INPP5E: variants seen among roughly 807,000 people sequenced by gnomAD.
INPP5E encodes the protein inositol polyphosphate-5-phosphatase E, also known as phosphatidylinositol polyphosphate 5-phosphatase type IV.
Under a neutral mutation model 50.5 loss-of-function variants are expected in INPP5E, and 34 were observed. The observed-to-expected ratio is 0.67, with a 90% CI of 0.51 to 0.90. The LOEUF (loss-of-function observed/expected upper bound fraction) is 0.90. Ranked by LOEUF, INPP5E falls within the 40% of genes least tolerant of loss-of-function variation. INPP5E has a pLI of 0.00. For synonymous variants in INPP5E, 447 were observed against 406.0 expected (o/e 1.10, Z -1.21); for missense variants, 942 against 905.5 (o/e 1.04, Z -0.52).
chr9:136,434,413 C>G (rs1384934408), intron 2 of INPP5E, among the ~76,000 whole-genome samples: 1 of 152,208 alleles, frequency 6.6e-6, no homozygotes, highest in Non-Finnish European at 1.5e-5. Context: ...CCGTGCTGCC[C>G]ACCCTGTCCC....
intron 2 of INPP5E, 150 bp downstream of exon 2, chr9:136,434,590 C>G (rs930198965): frequency 9.1e-7 from 1 of 1,092,966 alleles, no homozygotes; most frequent in African/African-American, 1.6e-5. Context: ...CCACTCTCAC[C>G]CTCCTGTACT....
chr9:136,433,060 G>C lies in INPP5E; in HGVS notation c.1175C>G (p.Thr392Arg), dbSNP rs771142015. ...CTGAGACACGATGCGTGTGGTCACC[G>C]TGGAGCACTCCACCTCTGTGGGAGG... ...IWFCSEVECS[T>R]VTTRIVSQIK... The change falls in exon 5 of 10, where the codon ACG becomes AGG. Residue 392 changes from threonine to arginine, a missense_variant. Physicochemically the swap from Thr to Arg is moderately conservative, Grantham distance 71. Coordinates refer to ENST00000371712, the MANE Select transcript of INPP5E (RefSeq NM_019892.6). 182 of 1,612,396 alleles carry C rather than the reference G, an allele frequency of 1.1e-4. No homozygotes were observed. The highest frequency in any genetic ancestry group is 1.5e-4 in the Non-Finnish European group (177 of 1,179,882).
At chr9:136,432,611 G>A (rs187844916) in intron 5 of INPP5E, 25 bp from the exon 6 acceptor site, 1 of 1,428,852 alleles carries the variant, frequency 7.0e-7, no homozygotes, top group Non-Finnish European at 9.6e-7. Flanking sequence ...ATGGGGTAGG[G>A]ACCACAGGGT....
At chr9:136,433,842 C>T (rs1036238531) in intron 3 of INPP5E, among the ~76,000 whole-genome samples, 195 bp downstream of exon 3, 30 of 152,210 alleles carry the variant, frequency 2.0e-4, no homozygotes, top group Middle Eastern at 3.4e-3. Context: ...GCTTCAGAGA[C>T]GGCAGCCCCC....
At position 136,439,627 on chromosome 9, in the gene INPP5E, C is replaced by T; in HGVS notation, c.-208G>A. 1 of 366,784 alleles carries T rather than the reference C, an allele frequency of 2.7e-6. No individual in the cohort carries two copies. Among genetic ancestry groups the T allele is most frequent in the Non-Finnish European group, 4.8e-6 (1 of 207,546 alleles). The allele number at this position is 366,784 out of a possible 1,614,324, so 22.7% of individuals were successfully genotyped here. A position where few individuals can be genotyped will look rare whatever the true frequency, so the allele number is the denominator to read the frequency against. ...CCAGCCCCTCGGGGCTCCCAGACGC[C>T]GTTCCCAGGGCGGTCCGCAGGCAAG... On this transcript the variant is annotated 5_prime_UTR_variant, in exon 1 of 10. Coordinates refer to ENST00000371712, the MANE Select transcript of INPP5E (RefSeq NM_019892.6).
intron 3 of INPP5E, 75 bp from the exon 4 acceptor site, chr9:136,433,354 G>A: frequency 6.7e-7 from 1 of 1,502,078 alleles, no homozygotes; most frequent in East Asian, 2.5e-5. Flanking sequence ...GCTGCCCAGA[G>A]CCCCTCGAGG....
Position 136,439,779 on chromosome 9 carries a change from G to C in INPP5E, c.-360C>G, listed in dbSNP as rs1441546240. The stretch of plus-strand genomic sequence containing the variant: ...GCTCGCAGACTCCGAAGTCGACCCG[G>C]TACTCGCGGAGGCCCGGCCGCCCAG... On this transcript the variant is annotated 5_prime_UTR_variant, in exon 1 of 10. Coordinates refer to ENST00000371712, the MANE Select transcript of INPP5E (RefSeq NM_019892.6). The C allele has an allele frequency of 5.5e-6, 1 of 181,176 alleles. No individual in the cohort carries two copies. Among genetic ancestry groups the C allele is most frequent in the Non-Finnish European group, 1.1e-5 (1 of 87,902 alleles). 11.2% of individuals were successfully genotyped at this position (181,176 alleles called of 1,614,324 possible).
At chr9:136,430,738 CGGGCAGA>C (rs1055930088) in intron 8 of INPP5E, among the ~76,000 whole-genome samples, 6 of 152,274 alleles carry the variant, frequency 3.9e-5, no homozygotes, top group African/African-American at 1.2e-4. Context: ...GAGGGTGCAA[CGGGCAGA>C]GGGCAGAGGC....
intron 1 of INPP5E, chr9:136,435,933 C>T (rs1194654247): frequency 6.6e-6 from 1 of 152,238 alleles, no homozygotes; most frequent in Non-Finnish European, 1.5e-5. Flanking sequence ...CTCAGCTCGC[C>T]GACTATACAG....
Position 136,439,377 on chromosome 9 carries a change from G to A in INPP5E, c.43C>T (p.Pro15Ser). 1 of 1,460,298 alleles carries A rather than the reference G, an allele frequency of 6.8e-7. No homozygotes were observed. The highest frequency in any genetic ancestry group is 9.0e-7 in the Non-Finnish European group (1 of 1,112,584). The allele number at this position is 1,460,298 out of a possible 1,614,324, so 90.5% of individuals were successfully genotyped here. The change falls in exon 1 of 10, where the codon CCG (proline) becomes TCG (serine). Residue 15 changes from proline (P) to serine (S), a missense_variant. Coordinates refer to ENST00000371712, the MANE Select transcript of INPP5E (RefSeq NM_019892.6). ...AGCGTCCTCCCTTCCGGCGGCTGCG[G>A]GGCCGGCTCGGAGGGCCGCAGATTC... Reference protein sequence around the residue: ...AENLRPSEPAPQPPEGRTLQG... With the variant: ...AENLRPSEPASQPPEGRTLQG...
At position 136,439,232 on chromosome 9, in the gene INPP5E, G is replaced by A. The variant is rs1415787879; in HGVS notation, c.188C>T (p.Pro63Leu). 6.5e-7 allele frequency: 1 copy of A among 1,527,902 alleles called. No individual in the cohort carries two copies. The highest frequency in any genetic ancestry group is 8.7e-7 in the Non-Finnish European group (1 of 1,142,896). The allele number at this position is 1,527,902 out of a possible 1,614,324, so 94.6% of individuals were successfully genotyped here. ...GGCGATGGGTGCTGCTCGGGCTGGCGGGTCCTCGCCGCTGGGCGTGGCCGG... is the reference window on the plus strand; with the variant it reads ...GGCGATGGGTGCTGCTCGGGCTGGCAGGTCCTCGCCGCTGGGCGTGGCCGG... ...STPATPSGED[P>L]PARAAPIAPR... The change falls in exon 1 of 10, where the codon CCG becomes CTG. Residue 63 changes from proline to leucine, a missense_variant. Physicochemically the swap from Pro to Leu is moderately conservative, Grantham distance 98. Transcript: ENST00000371712.
intron 8 of INPP5E, among the ~76,000 whole-genome samples, 182 bp from the exon 9 acceptor site, chr9:136,430,595 CGCT>C (rs1413229826): frequency 6.6e-6 from 1 of 152,220 alleles, no homozygotes; most frequent in Non-Finnish European, 1.5e-5. Flanking sequence ...TGTCCCTCGC[CGCT>C]GGAGAGACCC....
In INPP5E at chr9:136,439,087, G is replaced by A; in HGVS notation, c.333C>T (p.Pro111=). Residue 111 remains proline, a synonymous_variant, in exon 1 of 10, where the codon CCC becomes CCT. Transcript: ENST00000371712. ...CCTCGCTCTGCACTGAGCCCCTGGA[G>A]GGACTGGTCCCATTCCGGGCTTCCA... ...EDLEARNGTS[P]SRGSVQSEGP... 6.3e-7 allele frequency: 1 copy of A among 1,576,198 alleles called. No individual in the cohort carries two copies. The highest frequency in any genetic ancestry group is 8.6e-7 in the Non-Finnish European group (1 of 1,162,166).
Position 136,431,826 on chromosome 9 carries a change from T to G in INPP5E, c.1547A>C (p.Lys516Thr), listed in dbSNP as rs13294000. 1.1e-5 allele frequency: 18 copies of G among 1,567,624 alleles called. No homozygotes were observed. Among genetic ancestry groups the G allele is most frequent in the Non-Finnish European group, 1.5e-5 (17 of 1,157,624 alleles). Residue 516 changes from lysine to threonine, a missense_variant and splice_region_variant, in exon 7 of 10, where the codon AAA (lysine) becomes ACA (threonine). Physicochemically the swap from Lys to Thr is moderately conservative, Grantham distance 78. Coordinates refer to ENST00000371712, the MANE Select transcript of INPP5E (RefSeq NM_019892.6). Reference protein sequence around the residue: ...QHDQLIREMRKGSIFKGFQEP... With the variant: ...QHDQLIREMRTGSIFKGFQEP... ...TGCCCGCCCCCCCAGGCCCTCACCT[T>G]TCCGCATCTCCCGGATGAGCTGGTC...
chr9:136,436,952 G>C (rs1230930380), intron 1 of INPP5E: 2 of 152,254 alleles, frequency 1.3e-5, no homozygotes, highest in African/African-American at 4.8e-5. Context: ...GTCCAAATTT[G>C]AGACACGACT....
rs35498378 is a variant in INPP5E, at chr9:136,434,090, G to T, written c.981C>A (p.Ala327=). The T allele has an allele frequency of 2.5e-6, 4 of 1,610,766 alleles. No individual in the cohort carries two copies. Among genetic ancestry groups the T allele is most frequent in the African/African-American group, 1.3e-5 (1 of 74,900 alleles). The change falls in exon 3 of 10, where the codon GCC becomes GCA. Residue 327 remains alanine (A), a synonymous_variant. Coordinates refer to ENST00000371712, the MANE Select transcript of INPP5E (RefSeq NM_019892.6). The part of the protein sequence containing the change: ...SLDEFLLPAE[A]DYAQDLYVIG... ...TGACATACAGGTCCTGGGCATAGTCGGCCTCGGCTGGGAGCAGGAACTCGT... is the reference window on the plus strand; with the variant it reads ...TGACATACAGGTCCTGGGCATAGTCTGCCTCGGCTGGGAGCAGGAACTCGT...
chr9:136,436,751 T>C (rs1195370327), intron 1 of INPP5E: 3 of 152,302 alleles, frequency 2.0e-5, no homozygotes, highest in East Asian at 1.9e-4. Flanking sequence ...ATGTCCCTAA[T>C]AGACTCACTG....
intron 1 of INPP5E, chr9:136,435,948 G>GC (rs1464592069): frequency 6.6e-5 from 10 of 152,366 alleles, no homozygotes; most frequent in African/African-American, 2.2e-4. Flanking sequence ...ATACAGAAAC[G>GC]CCGTGGGCTA....
chr9:136,434,855 A>ACG lies in INPP5E; in HGVS notation c.820_821insCG (p.Leu274ProfsTer121). On this transcript the variant is annotated frameshift_variant, in exon 2 of 10. Transcript: ENST00000371712. LOFTEE classifies it high-confidence loss of function. Reference sequence around the variant, plus strand: ...CCCGCTGGCCAGGAGGCTGCCCTCCAGGTAACTCCTGTGACGGGAGGACCC... The same window carrying ACG: ...CCCGCTGGCCAGGAGGCTGCCCTCCACGGGTAACTCCTGTGACGGGAGGACCC... 1 of 1,607,988 alleles carries ACG rather than the reference A, an allele frequency of 6.2e-7. No homozygotes were observed. Among genetic ancestry groups the ACG allele is most frequent in the South Asian group, 1.1e-5 (1 of 90,024 alleles).
Sources: allele counts gnomAD v4.1 joint callset (sites outside exome capture counted in the v4.1 genomes callset), GRCh38; gene constraint gnomAD v4.1.1; transcripts MANE v1.5; gene names NCBI Gene and HGNC (gene_info 2026-07-23, HGNC 2026-07-21).